The following PPP1R14C variants were observed in gnomAD, a reference collection of about 807,000 sequenced individuals.
The protein encoded by PPP1R14C is protein phosphatase 1 regulatory inhibitor subunit 14C, also known as protein phosphatase 1 regulatory subunit 14C.
Under a neutral mutation model 20.4 loss-of-function variants are expected in PPP1R14C, and 16 were observed. The observed-to-expected ratio is 0.78, with a 90% CI of 0.53 to 1.19. The LOEUF is 1.19. Ranked by LOEUF, PPP1R14C falls within the 50% of genes most tolerant of loss-of-function variation. The pLI is 0.00. For missense variants in PPP1R14C, 211 were observed against 220.1 expected (o/e 0.96, Z 0.26); for synonymous variants, 91 against 91.0 (o/e 1.00, Z 0.00).
chr6:150,216,148 G>A (rs149590077), intron 2 of PPP1R14C, among the ~76,000 whole-genome samples: 1 of 152,316 alleles, frequency 6.6e-6, no homozygotes, highest in African/African-American at 2.4e-5. Context: ...ATGGATGCTT[G>A]AGCATCCCTG....
Position 150,216,975 on chromosome 6 carries a change from T to C in PPP1R14C, c.423+119T>C, listed in dbSNP as rs954012047. 5 of 721,492 alleles carry C rather than the reference T, an allele frequency of 6.9e-6. No homozygotes were observed. In the African/African-American group the frequency reaches 9.0e-5, roughly 13 times the overall value. The allele number at this position is 721,492 out of a possible 1,614,324, so 44.7% of individuals were successfully genotyped here. A position where few individuals can be genotyped will look rare whatever the true frequency, so the allele number is the denominator to read the frequency against. ...GAGTGTGTGTATACCAATTAGCAAT[T>C]ATTATCCATGAGTGCATATGTTTGA... is the stretch of plus-strand genomic sequence containing the variant. On this transcript the variant is annotated intron_variant, in intron 3 of 3. Transcript: ENST00000361131.
At chr6:150,195,988 T>C (rs1777799585) in intron 1 of PPP1R14C, 2 of 985,308 alleles carry the variant, frequency 2.0e-6, no homozygotes, top group Non-Finnish European at 2.4e-6. Context: ...GCTTGGTCGC[T>C]GTCTGGGCTG....
At chr6:150,216,529 G>A (rs1028387270) in intron 2 of PPP1R14C, among the ~76,000 whole-genome samples, 1 of 151,032 alleles carries the variant, frequency 6.6e-6, no homozygotes, top group Non-Finnish European at 1.5e-5. Flanking sequence ...ACTGGTCAAG[G>A]GTTATATTTT....
chr6:150,179,209 C>CAGTT lies in PPP1R14C; in HGVS notation c.307-35533_307-35532insTTAG, dbSNP rs532973407. On this transcript the variant is annotated intron_variant, in intron 1 of 3. Coordinates refer to ENST00000361131, the MANE Select transcript of PPP1R14C (RefSeq NM_030949.3). ...CTGCTTGAGCCCAGGAGTTCAGTAC[C>CAGTT]AGCTGGGACAACATAGCAAGACCCT... is the stretch of plus-strand genomic sequence containing the variant. Among the ~76,000 whole-genome samples, 7 of 152,158 alleles carry CAGTT rather than the reference C, an allele frequency of 4.6e-5. No individual in the cohort carries two copies. The South Asian group carries it at 1.0e-3, about 23-fold the overall frequency.
At chr6:150,215,999 G>A (rs1778086942) in intron 2 of PPP1R14C, among the ~76,000 whole-genome samples, 1 of 152,188 alleles carries the variant, frequency 6.6e-6, no homozygotes, top group African/African-American at 2.4e-5. Flanking sequence ...AGAGGAGTGG[G>A]TTTGAAACCA....
intron 1 of PPP1R14C, among the ~76,000 whole-genome samples, chr6:150,189,115 T>C (rs1168197922): frequency 4.6e-5 from 7 of 152,132 alleles, no homozygotes; most frequent in Non-Finnish European, 1.0e-4. Flanking sequence ...TGCTTCAGCA[T>C]CTCAAAGTGC....
intron 1 of PPP1R14C, among the ~76,000 whole-genome samples, chr6:150,152,649 G>T (rs1777262887): frequency 6.6e-6 from 1 of 152,000 alleles, no homozygotes; most frequent in African/African-American, 2.4e-5. Flanking sequence ...ACTTGGCAGT[G>T]CCTTCCCAGG....
At chr6:150,194,448 T>C in intron 1 of PPP1R14C, 2 of 983,548 alleles carry the variant, frequency 2.0e-6, no homozygotes, top group Non-Finnish European at 2.4e-6. Context: ...AACAGGATTT[T>C]AAGTGGCATG....
At chr6:150,182,389 C>T (rs961345534) in intron 1 of PPP1R14C, among the ~76,000 whole-genome samples, 13 of 152,126 alleles carry the variant, frequency 8.5e-5, no homozygotes, top group Non-Finnish European at 1.9e-4. Context: ...GTTAGGATGC[C>T]AGTAGATTGG....
intron 1 of PPP1R14C, chr6:150,195,038 T>TAG: frequency 1.0e-6 from 1 of 985,058 alleles, no homozygotes. Flanking sequence ...TTACTAGTTA[T>TAG]AGCCTTTTGA....
At chr6:150,206,885 GAC>G (rs1339360422) in intron 1 of PPP1R14C, among the ~76,000 whole-genome samples, 2 of 147,762 alleles carry the variant, frequency 1.4e-5, no homozygotes, top group Non-Finnish European at 3.0e-5. Flanking sequence ...TTTTTTTTGC[GAC>G]AGAGTCTCGC....
chr6:150,231,714 T>G (rs1778298389), intron 3 of PPP1R14C, among the ~76,000 whole-genome samples: 1 of 152,226 alleles, frequency 6.6e-6, no homozygotes, highest in Non-Finnish European at 1.5e-5. Flanking sequence ...TTGTATGCAT[T>G]GTAACTGTGT....
At chr6:150,170,686 C>T (rs575484621) in intron 1 of PPP1R14C, among the ~76,000 whole-genome samples, 39 of 151,954 alleles carry the variant, frequency 2.6e-4, no homozygotes, top group Admixed American at 1.4e-3. Flanking sequence ...CACTTCCCTT[C>T]CTTGTGGGTT....
chr6:150,192,315 G>C (rs1215225203), intron 1 of PPP1R14C, among the ~76,000 whole-genome samples: 1 of 152,156 alleles, frequency 6.6e-6, no homozygotes, highest in African/African-American at 2.4e-5. Flanking sequence ...TTTTTTCACA[G>C]ACTGGGGGTT....
At chr6:150,175,736 A>G (rs6918251) in intron 1 of PPP1R14C, among the ~76,000 whole-genome samples, 62,898 of 151,998 alleles carry the variant, frequency 0.41, 13,964 homozygotes, top group East Asian at 0.8. Flanking sequence ...GTGTTATTGG[A>G]TAACATAACC....
chr6:150,193,424 G>C (rs1777768585), intron 1 of PPP1R14C, among the ~76,000 whole-genome samples: 1 of 152,050 alleles, frequency 6.6e-6, no homozygotes, highest in African/African-American at 2.4e-5. Flanking sequence ...TATTAGAATT[G>C]GAGTGTGTAG....
At chr6:150,218,174 C>T (rs1365400799) in intron 3 of PPP1R14C, among the ~76,000 whole-genome samples, 6 of 152,022 alleles carry the variant, frequency 3.9e-5, no homozygotes, top group Non-Finnish European at 7.4e-5. Context: ...GGGGCCGAGA[C>T]GGGTGGATCA....
rs555810797 is a variant in PPP1R14C at position 150,158,678 on chromosome 6, T to C, written c.306+15180T>C. 2.6e-5 allele frequency among the ~76,000 whole-genome samples: 4 copies of C among 152,150 alleles called. No homozygotes were observed. In the South Asian group the frequency reaches 6.2e-4, roughly 24 times the overall value. ...GTGCAATGCACATGTATTTCTCCTA[T>C]AAGAGAATAACTTCAAAGTTGTTTT... On this transcript the variant is annotated intron_variant, in intron 1 of 3. Coordinates refer to ENST00000361131, the MANE Select transcript of PPP1R14C (RefSeq NM_030949.3).
At position 150,201,784 on chromosome 6, in the gene PPP1R14C, G is replaced by T. The variant is rs1364567510; in HGVS notation, c.307-12960G>T. On this transcript the variant is annotated intron_variant, in intron 1 of 3. Transcript: ENST00000361131. This position sits in a 1 kb window ranked among gnomAD's most constrained non-coding sequence, Gnocchi z 4.2. Reference sequence around the variant, plus strand: ...AGATGATTTAGCTTTCACTAGGGGGGCAGTGGAGGTGGTACAAAGTGCAGG... The same window carrying T: ...AGATGATTTAGCTTTCACTAGGGGGTCAGTGGAGGTGGTACAAAGTGCAGG... 6.6e-6 allele frequency among the ~76,000 whole-genome samples: 1 copy of T among 152,156 alleles called. No homozygotes were observed. Among genetic ancestry groups the T allele is most frequent in the Admixed American group, 6.5e-5 (1 of 15,278 alleles).
Sources: gnomAD v4.1 joint callset for allele counts (sites outside exome capture counted in the v4.1 genomes callset) on GRCh38, gnomAD v4.1.1 for gene constraint, Gnocchi (gnomAD v3.1) non-coding constraint, MANE v1.5 for transcripts, NCBI Gene and HGNC (gene_info 2026-07-23, HGNC 2026-07-21) for gene names.